The following CAPN13 variants were observed in gnomAD, a reference collection of about 807,000 sequenced individuals.
CAPN13 encodes calpain-13.
A neutral mutation model predicts 98.4 loss-of-function variants in CAPN13; 90 were observed. The ratio of observed to expected loss-of-function variants is 0.92; its 90% CI spans 0.77 to 1.09. The LOEUF (loss-of-function observed/expected upper bound fraction) is 1.09. CAPN13 is among the 50% of genes least tolerant of loss of function. The probability of loss-of-function intolerance (pLI) is 0.00; values close to 1 mark genes in which losing one functional copy is unlikely to be tolerated. For missense variants in CAPN13, 887 were observed against 841.3 expected, an observed-to-expected ratio of 1.05 and a Z score of -0.67; for synonymous variants, 330 against 305.5, an observed-to-expected ratio of 1.08 and a Z score of -0.84.
chr2:30,802,489 A>G (rs1572895634), intron 1 of CAPN13, among the ~76,000 whole-genome samples: 1 of 123,956 alleles, frequency 8.1e-6, no homozygotes, highest in African/African-American at 3.1e-5. Context: ...GTGTGTGTGT[A>G]AATGTGAATG....
chr2:30,786,996 G>T, intron 2 of CAPN13, 132 bp downstream of exon 2: 1 of 703,112 alleles, frequency 1.4e-6, no homozygotes, highest in Non-Finnish European at 2.4e-6. Flanking sequence ...CTACAACACT[G>T]TAGCAGAGAT....
chr2:30,760,578 A>C (rs1364885621), intron 7 of CAPN13, among the ~76,000 whole-genome samples: 1 of 152,238 alleles, frequency 6.6e-6, no homozygotes, highest in East Asian at 1.9e-4. Context: ...GATTTCATTT[A>C]TCTTCCTGTC....
Position 30,797,165 on chromosome 2 carries a change from A to G in CAPN13, c.-32-9808T>C, listed in dbSNP as rs915754544. Among the ~76,000 whole-genome samples the G allele has an allele frequency of 2.6e-5, 4 of 152,212 alleles. No homozygotes were observed. In the East Asian group the frequency reaches 7.7e-4, roughly 29 times the overall value. On this transcript the variant is annotated intron_variant, in intron 1 of 22. Coordinates refer to ENST00000295055, the MANE Select transcript of CAPN13 (RefSeq NM_144575.3). ...AAGGCCGACTGAGGGGTCTACAGTG[A>G]TCCTCAGACTCAGCCCCTGCAGCCC...
intron 8 of CAPN13, among the ~76,000 whole-genome samples, chr2:30,756,279 G>A (rs10169838): frequency 0.12 from 18,139 of 152,096 alleles, 1,480 homozygotes; most frequent in Non-Finnish European, 0.19. Context: ...TTGTTGGCCC[G>A]GAACAGACTA....
intron 1 of CAPN13, among the ~76,000 whole-genome samples, chr2:30,804,927 G>T (rs986688775): frequency 6.6e-6 from 1 of 152,232 alleles, no homozygotes; most frequent in African/African-American, 2.4e-5. Flanking sequence ...GTGTTCAGCA[G>T]ATATTAATGA....
At chr2:30,757,552 G>C (rs538272669) in intron 8 of CAPN13, among the ~76,000 whole-genome samples, 8 of 152,332 alleles carry the variant, frequency 5.3e-5, no homozygotes, top group African/African-American at 1.9e-4. Flanking sequence ...CCAGATCTTT[G>C]CATCAGTTTC....
chr2:30,745,681 A>G (rs1195433311), intron 12 of CAPN13, 42 bp downstream of exon 12: 5 of 1,593,962 alleles, frequency 3.1e-6, no homozygotes, highest in Non-Finnish European at 4.2e-6. Context: ...CCACCAGCAG[A>G]CAGCAGCAGA....
Position 30,770,240 on chromosome 2 carries a change from GGA to G in CAPN13, c.524+71_524+72del. 4 of 1,571,430 alleles carry G rather than the reference GGA, an allele frequency of 2.5e-6. No homozygotes were observed. In the Admixed American group the frequency reaches 7.1e-5, roughly 28 times the overall value. The stretch of plus-strand genomic sequence containing the variant: ...GGCAAAGGCTGCAATGCTCCAACAG[GGA>G]CTGTTTGCATTCCGGGTAGGCAGGA... On this transcript the variant is annotated intron_variant, in intron 5 of 22. Coordinates refer to ENST00000295055, the MANE Select transcript of CAPN13 (RefSeq NM_144575.3).
At chr2:30,733,335 G>GCTTGCCACA (rs1553402425) in intron 19 of CAPN13, among the ~76,000 whole-genome samples, 5 of 5,522 alleles carry the variant, frequency 9.1e-4, no homozygotes, top group South Asian at 9.0e-3. Flanking sequence ...GCCAGGTCCT[G>GCTTGCCACA]TTCTCAGTCA....
intron 15 of CAPN13, chr2:30,741,395 T>A (rs1671646897): frequency 1.3e-5 from 13 of 988,994 alleles, no homozygotes; most frequent in Non-Finnish European, 1.4e-5. Context: ...AGGCTCATTG[T>A]GCAGAGCCCC....
chr2:30,800,201 A>C (rs550774372), intron 1 of CAPN13, among the ~76,000 whole-genome samples: 11 of 150,956 alleles, frequency 7.3e-5, no homozygotes, highest in African/African-American at 2.7e-4. Context: ...AACTACGTAG[A>C]CCTGGAACAG....
At chr2:30,788,843 GA>G (rs553863301) in intron 1 of CAPN13, among the ~76,000 whole-genome samples, 117 of 152,278 alleles carry the variant, frequency 7.7e-4, no homozygotes, top group Non-Finnish European at 1.2e-3. Context: ...AGCATATTTG[GA>G]GAGAATTGTG....
At chr2:30,773,836 T>A (rs77159903) in intron 4 of CAPN13, among the ~76,000 whole-genome samples, 1 of 152,136 alleles carries the variant, frequency 6.6e-6, no homozygotes, top group Non-Finnish European at 1.5e-5. Flanking sequence ...GATAACACAA[T>A]TGCAAATCAT....
intron 1 of CAPN13, among the ~76,000 whole-genome samples, chr2:30,799,640 C>T (rs963709802): frequency 2.0e-5 from 3 of 152,180 alleles, no homozygotes; most frequent in Non-Finnish European, 2.9e-5. Context: ...GGGCATCCTA[C>T]TTTGTGTCTA....
At chr2:30,740,953 C>T (rs1474358207) in intron 15 of CAPN13, among the ~76,000 whole-genome samples, 1 of 152,116 alleles carries the variant, frequency 6.6e-6, no homozygotes, top group Admixed American at 6.5e-5. Flanking sequence ...GACTGAGCAC[C>T]TCCTCGGGCC....
chr2:30,757,385 C>T (rs1448588336), intron 8 of CAPN13, among the ~76,000 whole-genome samples: 1 of 152,230 alleles, frequency 6.6e-6, no homozygotes, highest in Non-Finnish European at 1.5e-5. Context: ...ACTGACCACA[C>T]AGCTGGGCCC....
intron 10 of CAPN13, among the ~76,000 whole-genome samples, chr2:30,751,909 G>A (rs147521360): frequency 6.6e-6 from 1 of 152,324 alleles, no homozygotes; most frequent in Non-Finnish European, 1.5e-5. Flanking sequence ...GCACATAGCA[G>A]GTGCTCGATC....
In CAPN13 at chr2:30,769,288, G is replaced by A. The variant is rs554072023; in HGVS notation, c.524+1025C>T. Among the ~76,000 whole-genome samples, 5 of 152,100 alleles carry A rather than the reference G, an allele frequency of 3.3e-5. No homozygotes were observed. The East Asian group carries it at 5.9e-4, about 18-fold the overall frequency. On this transcript the variant is annotated intron_variant, in intron 5 of 22. Coordinates refer to ENST00000295055, the MANE Select transcript of CAPN13 (RefSeq NM_144575.3). ...GTGTGTAGCCAAGCTAAGTATTGTCGGGTTGTCCTTCAGAAGGCTGCCTGG... is the reference window on the plus strand; with the variant it reads ...GTGTGTAGCCAAGCTAAGTATTGTCAGGTTGTCCTTCAGAAGGCTGCCTGG...
chr2:30,804,089 A>ATC (rs2148122434), intron 1 of CAPN13, among the ~76,000 whole-genome samples: 1 of 152,356 alleles, frequency 6.6e-6, no homozygotes, highest in South Asian at 2.1e-4. Flanking sequence ...GAATTCAGGA[A>ATC]TCAAGACAAA....
Sources: gnomAD v4.1 joint callset for allele counts (sites outside exome capture counted in the v4.1 genomes callset) on GRCh38, gnomAD v4.1.1 for gene constraint, MANE v1.5 for transcripts, NCBI Gene and HGNC (gene_info 2026-07-23, HGNC 2026-07-21) for gene names.